The following SUCO variants were observed in gnomAD, a reference collection of about 807,000 sequenced individuals.
SUCO encodes the protein SUN domain-containing ossification factor.
A neutral mutation model predicts 148.1 loss-of-function variants in SUCO; 57 were observed. The ratio of observed to expected loss-of-function variants is 0.38; its 90% CI spans 0.31 to 0.48. The LOEUF is 0.48. Ranked by LOEUF, SUCO falls within the 20% of genes least tolerant of loss-of-function variation. SUCO has a pLI of 0.96. For missense variants in SUCO, 1,331 were observed against 1,468.2 expected, an observed-to-expected ratio of 0.91 and a Z score of 1.53; for synonymous variants, 470 against 502.7, an observed-to-expected ratio of 0.93 and a Z score of 0.87.
chr1:172,550,467 A>G (rs1418012344), intron 1 of SUCO, among the ~76,000 whole-genome samples: 2 of 151,970 alleles, frequency 1.3e-5, no homozygotes, highest in Non-Finnish European at 2.9e-5. Context: ...TATAATTTTT[A>G]TATCTGGGAC....
At chr1:172,608,702 T>C in intron 22 of SUCO, 45 bp from the exon 23 acceptor site, 1 of 1,304,078 alleles carries the variant, frequency 7.7e-7, no homozygotes, top group Non-Finnish European at 1.1e-6. Flanking sequence ...ATCCACCAAA[T>C]CCACTTTACA....
At chr1:172,590,511 C>CTT (rs1558205682) in intron 18 of SUCO, 1 of 242,418 alleles carries the variant, frequency 4.1e-6, no homozygotes, top group Non-Finnish European at 6.6e-6. Context: ...TTTTTATCCT[C>CTT]TGTGTGTCCA....
intron 4 of SUCO, 23 bp from the exon 5 acceptor site, chr1:172,557,257 A>G (rs768098011): frequency 6.2e-7 from 1 of 1,607,936 alleles, no homozygotes; most frequent in Admixed American, 1.7e-5. Flanking sequence ...TTACCAGATT[A>G]TGTTTCTTGT....
At chr1:172,537,198 C>G (rs565848216) in intron 1 of SUCO, among the ~76,000 whole-genome samples, 1 of 152,066 alleles carries the variant, frequency 6.6e-6, no homozygotes, top group African/African-American at 2.4e-5. Flanking sequence ...CCTTAATTGT[C>G]TATAAGTTAT....
Position 172,610,457 on chromosome 1 carries a change from C to A in SUCO, c.*198C>A, listed in dbSNP as rs1171561983. 14 of 725,884 alleles carry A rather than the reference C, an allele frequency of 1.9e-5. No homozygotes were observed. The highest frequency in any genetic ancestry group is 2.6e-5 in the Non-Finnish European group (13 of 492,488). 45.0% of individuals were successfully genotyped at this position (725,884 alleles called of 1,614,324 possible). ...AGCTACAGTTTTACAAAGCTGATCACTTCCTATAAGGACAATGGTAGACAT... is the reference window on the plus strand; with the variant it reads ...AGCTACAGTTTTACAAAGCTGATCAATTCCTATAAGGACAATGGTAGACAT... On this transcript the variant is annotated 3_prime_UTR_variant, in exon 24 of 24. Coordinates refer to ENST00000263688, the MANE Select transcript of SUCO (RefSeq NM_014283.5).
At chr1:172,603,466 A>G (rs892035957) in intron 22 of SUCO, among the ~76,000 whole-genome samples, 1 of 152,114 alleles carries the variant, frequency 6.6e-6, no homozygotes, top group African/African-American at 2.4e-5. Context: ...AGCATGTTTC[A>G]ATTGATTAAA....
chr1:172,569,135 A>G lies in SUCO; in HGVS notation c.849A>G (p.Lys283=). ...EWKKKVMEVE[K]EKSQSMHASS... ...AGAAGAAAGTTATGGAAGTAGAAAAAGAAAAAAGTAAGGAAGTATTTGAGT... is the reference window on the plus strand; with the variant it reads ...AGAAGAAAGTTATGGAAGTAGAAAAGGAAAAAAGTAAGGAAGTATTTGAGT... Residue 283 remains lysine, a synonymous_variant, in exon 7 of 24, where the codon AAA becomes AAG. Transcript: ENST00000263688. 6.4e-7 allele frequency: 1 copy of G among 1,553,304 alleles called. No homozygotes were observed. The highest frequency in any genetic ancestry group is 2.1e-5 in the Admixed American group (1 of 47,618).
chr1:172,609,478 C>T (rs764708564), intron 23 of SUCO: 22 of 905,852 alleles, frequency 2.4e-5, no homozygotes, highest in Admixed American at 6.2e-5. Flanking sequence ...GATAAAATAC[C>T]GACCTTTCAG....
chr1:172,582,210 G>A (rs1213711561), intron 15 of SUCO, among the ~76,000 whole-genome samples: 5 of 152,142 alleles, frequency 3.3e-5, no homozygotes. Flanking sequence ...AAGAGAAAAT[G>A]TAGTTTTTAC....
chr1:172,593,076 G>A (rs1306015019), intron 19 of SUCO, among the ~76,000 whole-genome samples: 2 of 152,114 alleles, frequency 1.3e-5, no homozygotes, highest in Non-Finnish European at 2.9e-5. Flanking sequence ...CTCTCTGTTT[G>A]TCTGTTATTG....
chr1:172,600,451 A>G (rs1215446684), intron 20 of SUCO, among the ~76,000 whole-genome samples: 1 of 152,170 alleles, frequency 6.6e-6, no homozygotes, highest in Non-Finnish European at 1.5e-5. Context: ...CACGTACTTC[A>G]TTTTCAATTC....
intron 1 of SUCO, among the ~76,000 whole-genome samples, chr1:172,549,700 C>A (rs1571191851): frequency 6.6e-6 from 1 of 151,814 alleles, no homozygotes; most frequent in Admixed American, 6.6e-5. Context: ...TCCTGAGTCC[C>A]TCTGCTGTTC....
At chr1:172,601,162 C>CAGCAGG (rs1182919216) in intron 20 of SUCO, among the ~76,000 whole-genome samples, 1 of 152,106 alleles carries the variant, frequency 6.6e-6, no homozygotes, top group Non-Finnish European at 1.5e-5. Context: ...TGTTGGGGAA[C>CAGCAGG]AGCAGGAGCA....
At chr1:172,557,533 T>A (rs1571206332) in intron 5 of SUCO, 111 bp from the exon 6 acceptor site, 2 of 1,488,928 alleles carry the variant, frequency 1.3e-6, no homozygotes, top group East Asian at 4.5e-5. Flanking sequence ...GCTGATCTCT[T>A]TGTGTTTCTT....
intron 6 of SUCO, among the ~76,000 whole-genome samples, chr1:172,566,193 G>C (rs1332192408): frequency 6.6e-6 from 1 of 152,212 alleles, no homozygotes; most frequent in Non-Finnish European, 1.5e-5. Context: ...ATTAGTGTTA[G>C]AGCTCAGGTT....
intron 16 of SUCO, 98 bp downstream of exon 16, chr1:172,585,184 A>G (rs1327425864): frequency 2.0e-6 from 2 of 996,314 alleles, no homozygotes; most frequent in Non-Finnish European, 2.9e-6. Context: ...TTGATTGTTT[A>G]CATTTAGAAA....
chr1:172,576,884 G>GT lies in SUCO; in HGVS notation c.1264-649dup, dbSNP rs898336648. ...ATTTTATGGTAATAATGTTATGTAA[G>GT]TTTTTTACCTGGATGTTCCTTATCT... On this transcript the variant is annotated intron_variant, in intron 11 of 23. Transcript: ENST00000263688. 1.8e-5 allele frequency: 14 copies of GT among 786,104 alleles called. No individual in the cohort carries two copies. The African/African-American group carries it at 2.5e-4, about 14-fold the overall frequency. 48.7% of individuals were successfully genotyped at this position (786,104 alleles called of 1,614,324 possible).
intron 1 of SUCO, among the ~76,000 whole-genome samples, chr1:172,541,320 T>C (rs1024535416): frequency 1.3e-5 from 2 of 152,192 alleles, no homozygotes; most frequent in African/African-American, 4.8e-5. Flanking sequence ...TCTCTAGATA[T>C]TTTAAATCAC....
At chr1:172,532,792 A>T (rs375093898), upstream of SUCO, 7 of 1,609,428 alleles carry the variant, frequency 4.3e-6, no homozygotes, top group East Asian at 2.2e-5. Flanking sequence ...CGCGCGAGGG[A>T]CGAAGGGCGG....
Sources: gnomAD v4.1 joint callset for allele counts (sites outside exome capture counted in the v4.1 genomes callset) on GRCh38, gnomAD v4.1.1 for gene constraint, MANE v1.5 for transcripts, NCBI Gene and HGNC (gene_info 2026-07-23, HGNC 2026-07-21) for gene names.